PHIP: variants seen among roughly 807,000 people sequenced by gnomAD.
The protein encoded by PHIP is PH-interacting protein.
Under a neutral mutation model 236.8 loss-of-function variants are expected in PHIP, and 54 were observed. The observed-to-expected ratio is 0.23, with a 90% CI of 0.18 to 0.29. The LOEUF (loss-of-function observed/expected upper bound fraction) is 0.29. Among genes scored for constraint, PHIP ranks in the 10% least tolerant of loss-of-function variants. The probability of loss-of-function intolerance (pLI) is 1.00; values close to 1 mark genes in which losing one functional copy is unlikely to be tolerated. For missense variants in PHIP, 1,370 were observed against 2,190.8 expected, an observed-to-expected ratio of 0.63 and a Z score of 7.48; for synonymous variants, 756 against 718.9, an observed-to-expected ratio of 1.05 and a Z score of -0.83.
chr6:78,994,647 T>A (rs1324613033), intron 19 of PHIP, among the ~76,000 whole-genome samples: 1 of 152,152 alleles, frequency 6.6e-6, no homozygotes, highest in Non-Finnish European at 1.5e-5. Context: ...CTGACCCCAG[T>A]TTTGAAATAA....
chr6:78,961,233 T>A (rs1766755477), intron 31 of PHIP, among the ~76,000 whole-genome samples: 3 of 152,040 alleles, frequency 2.0e-5, no homozygotes, highest in Admixed American at 2.0e-4. Flanking sequence ...ATTTCAGTGT[T>A]ATAAGTAATG....
intron 24 of PHIP, among the ~76,000 whole-genome samples, chr6:78,974,893 C>A (rs1011893598): frequency 8.6e-5 from 13 of 151,548 alleles, no homozygotes; most frequent in African/African-American, 3.2e-4. Flanking sequence ...AGCTTACCAA[C>A]CAAAAAGAGT....
chr6:78,968,107 C>G (rs1401310993), intron 27 of PHIP, among the ~76,000 whole-genome samples: 1 of 152,110 alleles, frequency 6.6e-6, no homozygotes, highest in Non-Finnish European at 1.5e-5. Context: ...TGCACTCCAG[C>G]CTGGGTGACA....
intron 7 of PHIP, among the ~76,000 whole-genome samples, chr6:79,032,457 C>T (rs1288591500): frequency 2.6e-5 from 4 of 152,174 alleles, no homozygotes; most frequent in Non-Finnish European, 5.9e-5. Flanking sequence ...TAATAGTCCA[C>T]ATCCTTTGTT....
intron 35 of PHIP, among the ~76,000 whole-genome samples, chr6:78,954,133 G>A (rs1467015518): frequency 1.3e-5 from 2 of 152,072 alleles, no homozygotes; most frequent in African/African-American, 2.4e-5. Context: ...TCAGTCTCTT[G>A]CTCTGTCGCC....
rs576431040 is a variant in PHIP, at chr6:79,026,281, A to G, written c.601-117T>C. On this transcript the variant is annotated intron_variant, in intron 7 of 39. Transcript: ENST00000275034. Reference sequence around the variant, plus strand: ...TGAACAAGTATATTTTTAAATACCAAAAAGTGTTAAATACTTGTGTTAGCT... The same window carrying G: ...TGAACAAGTATATTTTTAAATACCAGAAAGTGTTAAATACTTGTGTTAGCT... 4.4e-5 allele frequency: 33 copies of G among 750,154 alleles called. No homozygotes were observed. The African/African-American group carries it at 4.6e-4, about 10-fold the overall frequency. 46.5% of individuals were successfully genotyped at this position (750,154 alleles called of 1,614,324 possible).
chr6:79,072,182 G>A (rs1773916563), intron 4 of PHIP, among the ~76,000 whole-genome samples: 1 of 152,164 alleles, frequency 6.6e-6, no homozygotes, highest in Non-Finnish European at 1.5e-5. Flanking sequence ...TATAGAAGGA[G>A]GCAGACGCCA....
chr6:78,968,485 C>G (rs1027559372), intron 27 of PHIP, among the ~76,000 whole-genome samples: 1 of 152,208 alleles, frequency 6.6e-6, no homozygotes. Flanking sequence ...CAACTTTTCA[C>G]ATCGGGGGGT....
At chr6:79,054,161 C>A (rs866763999) in intron 6 of PHIP, among the ~76,000 whole-genome samples, 1 of 149,054 alleles carries the variant, frequency 6.7e-6, no homozygotes, top group South Asian at 2.1e-4. Flanking sequence ...TCACAGCTAA[C>A]CTGTTTTTAA....
intron 30 of PHIP, 53 bp from the exon 31 acceptor site, chr6:78,961,863 C>A: frequency 7.1e-7 from 1 of 1,399,118 alleles, no homozygotes; most frequent in South Asian, 1.3e-5. Context: ...TAAAATAATT[C>A]AAGAAGAATT....
At chr6:79,025,665 G>C (rs149828172) in intron 8 of PHIP, 46 bp from the exon 9 acceptor site, 4 of 1,211,408 alleles carry the variant, frequency 3.3e-6, no homozygotes, top group Non-Finnish European at 4.8e-6. Context: ...GAGTGACACA[G>C]TCAAAATAAA....
rs752029385 is a variant in PHIP, at chr6:78,970,804, G to T, written c.2974C>A (p.Pro992Thr). ...KIYSINPKKQ[P>T]WHKMELREQE... Reference sequence around the variant, plus strand: ...ACCCGTAGCTCCATTTTATGCCATGGTTGTTTTTTGGGATTGATACTATAT... The same window carrying T: ...ACCCGTAGCTCCATTTTATGCCATGTTTGTTTTTTGGGATTGATACTATAT... The change falls in exon 25 of 40, where the codon CCA becomes ACA. Residue 992 changes from proline to threonine, a missense_variant. This residue lies in a region of PHIP where 238 missense variants were observed against 398.5 expected (regional missense o/e 0.60). Transcript: ENST00000275034. The T allele has an allele frequency of 1.2e-5, 19 of 1,607,504 alleles. No homozygotes were observed. The highest frequency in any genetic ancestry group is 1.6e-5 in the Non-Finnish European group (19 of 1,176,166).
In PHIP at chr6:79,053,903, A is replaced by G. The variant is rs1458864200; in HGVS notation, c.439+6575T>C. ...TCATCACATCTATAACCTAAAAACA[A>G]ATGTTATCCTATTAGTTACAGAAGA... is the stretch of plus-strand genomic sequence containing the variant. On this transcript the variant is annotated intron_variant, in intron 6 of 39. Transcript: ENST00000275034. 2.6e-5 allele frequency among the ~76,000 whole-genome samples: 4 copies of G among 152,124 alleles called. No homozygotes were observed. In the East Asian group the frequency reaches 7.7e-4, roughly 29 times the overall value.
chr6:79,049,489 TTAAAATA>T (rs1170861651), intron 6 of PHIP, among the ~76,000 whole-genome samples: 1 of 152,198 alleles, frequency 6.6e-6, no homozygotes, highest in African/African-American at 2.4e-5. Context: ...GATTCCTAAA[TTAAAATA>T]TAAAAGGGAG....
At chr6:78,945,145 A>G (rs1562113030) in intron 39 of PHIP, among the ~76,000 whole-genome samples, 155 bp downstream of exon 39, 1 of 151,420 alleles carries the variant, frequency 6.6e-6, no homozygotes, top group South Asian at 2.1e-4. Flanking sequence ...GTGCAGTGGC[A>G]CAATAATAGC....
chr6:79,039,957 G>A (rs946207173), intron 7 of PHIP, among the ~76,000 whole-genome samples: 3 of 151,864 alleles, frequency 2.0e-5, no homozygotes, highest in Non-Finnish European at 2.9e-5. Context: ...ACAAAATAAT[G>A]ATACATTTTC....
intron 19 of PHIP, 30 bp downstream of exon 19, chr6:78,997,384 T>A: frequency 6.3e-7 from 1 of 1,591,490 alleles, no homozygotes; most frequent in Non-Finnish European, 8.6e-7. Context: ...CAAGGAACTA[T>A]GGTACATAAA....
Position 78,985,346 on chromosome 6 carries a change from A to G in PHIP, c.2537+6T>C. ...ACATTTGGAAAAATAAAAAGCATTC[A>G]TTTACCTAGAACTGCCATCACTGTG... On this transcript the variant is annotated splice_donor_region_variant and intron_variant, in intron 22 of 39. Transcript: ENST00000275034. The G allele has an allele frequency of 6.6e-7, 1 of 1,505,584 alleles. No homozygotes were observed. Among genetic ancestry groups the G allele is most frequent in the Non-Finnish European group, 9.2e-7 (1 of 1,084,674 alleles). 93.3% of individuals were successfully genotyped at this position (1,505,584 alleles called of 1,614,324 possible).
intron 4 of PHIP, among the ~76,000 whole-genome samples, chr6:79,065,183 C>T (rs942915470): frequency 1.3e-5 from 2 of 152,168 alleles, no homozygotes; most frequent in Non-Finnish European, 2.9e-5. Context: ...ATACCTTTCC[C>T]ATATGCACTC....
Sources: allele counts gnomAD v4.1 joint callset (sites outside exome capture counted in the v4.1 genomes callset), GRCh38; gene constraint gnomAD v4.1.1; regional missense constraint gnomAD v4.1.1; transcripts MANE v1.5; gene names NCBI Gene and HGNC (gene_info 2026-07-23, HGNC 2026-07-21).